Variants in IQCM observed in about 807,000 individuals in gnomAD.
IQCM encodes IQ domain-containing protein M.
Under a neutral mutation model 57.6 loss-of-function variants are expected in IQCM, and 45 were observed. The observed-to-expected ratio is 0.78, with a 90% CI of 0.62 to 1.00. IQCM has a LOEUF of 1.00. Among genes scored for constraint, IQCM ranks in the 50% least tolerant of loss-of-function variants. IQCM has a pLI of 0.00. For synonymous variants in IQCM, 148 were observed against 158.9 expected (o/e 0.93, Z 0.51); for missense variants, 468 against 511.6 (o/e 0.91, Z 0.82).
chr4:149,586,344 T>C (rs1036327433), intron 9 of IQCM, among the ~76,000 whole-genome samples: 18 of 151,646 alleles, frequency 1.2e-4, no homozygotes, highest in African/African-American at 4.3e-4. Context: ...TGGTATGCTA[T>C]CTGTTTTCAA....
chr4:149,412,841 G>A (rs966585619), intron 13 of IQCM, among the ~76,000 whole-genome samples: 10 of 152,132 alleles, frequency 6.6e-5, no homozygotes, highest in South Asian at 2.1e-4. Flanking sequence ...AGGAGAGCAG[G>A]GCTTTTCTGT....
intron 9 of IQCM, among the ~76,000 whole-genome samples, chr4:149,568,474 T>A (rs1750842541): frequency 6.6e-6 from 1 of 152,042 alleles, no homozygotes; most frequent in South Asian, 2.1e-4. Context: ...TTGGCCTAAG[T>A]TGAATATATA....
intron 8 of IQCM, among the ~76,000 whole-genome samples, chr4:149,617,530 T>A (rs1399603099): frequency 6.6e-6 from 1 of 152,132 alleles, no homozygotes; most frequent in African/African-American, 2.4e-5. Context: ...TACCTCTAAC[T>A]GGACAGGCAA....
intron 2 of IQCM, among the ~76,000 whole-genome samples, chr4:149,762,585 A>G (rs775069259): frequency 2.6e-5 from 4 of 152,044 alleles, no homozygotes; most frequent in Non-Finnish European, 5.9e-5. Context: ...AGGCATTGTG[A>G]TCTCCTAGGC....
At chr4:149,658,958 C>A (rs1329009289) in intron 7 of IQCM, among the ~76,000 whole-genome samples, 1 of 151,872 alleles carries the variant, frequency 6.6e-6, no homozygotes, top group African/African-American at 2.4e-5. Flanking sequence ...AATTTGGATG[C>A]ATCTTGTTTC....
intron 13 of IQCM, among the ~76,000 whole-genome samples, chr4:149,367,803 A>G (rs1222023411): frequency 2.0e-5 from 3 of 152,086 alleles, no homozygotes; most frequent in Non-Finnish European, 4.4e-5. Flanking sequence ...GGTCTCAGCC[A>G]GCAAAAGAAG....
intron 12 of IQCM, among the ~76,000 whole-genome samples, chr4:149,464,476 T>TA (rs1255214783): frequency 1.3e-5 from 2 of 152,288 alleles, no homozygotes; most frequent in East Asian, 3.9e-4. Context: ...CCCTGGCCCC[T>TA]AAGGTTTCTT....
At position 149,647,599 on chromosome 4, in the gene IQCM, C is replaced by A. The variant is rs146327998; in HGVS notation, c.566-26355G>T. ...TTGGAAATAATTTTTCTCTATTTTTCTTATCCTTTTTCTTTTACTTCTTTT... is the reference window on the plus strand; with the variant it reads ...TTGGAAATAATTTTTCTCTATTTTTATTATCCTTTTTCTTTTACTTCTTTT... On this transcript the variant is annotated intron_variant, in intron 7 of 13. Transcript: ENST00000636793. 1.8e-4 allele frequency among the ~76,000 whole-genome samples: 28 copies of A among 152,048 alleles called. 1 individual carries two copies. The highest frequency in any genetic ancestry group is 1.8e-3 in the Admixed American group (28 of 15,278).
chr4:149,714,504 C>T (rs1764830058), intron 5 of IQCM, among the ~76,000 whole-genome samples: 1 of 152,128 alleles, frequency 6.6e-6, no homozygotes, highest in Non-Finnish European at 1.5e-5. Flanking sequence ...ATCTAACAAA[C>T]ATTTCAGACT....
At chr4:149,497,718 A>T (rs1742809815) in intron 12 of IQCM, among the ~76,000 whole-genome samples, 1 of 151,114 alleles carries the variant, frequency 6.6e-6, no homozygotes, top group Admixed American at 6.7e-5. Flanking sequence ...ATCAAGGGAA[A>T]AAAGTAATGT....
intron 2 of IQCM, among the ~76,000 whole-genome samples, chr4:149,811,515 C>A (rs1307014302): frequency 2.6e-5 from 4 of 152,088 alleles, no homozygotes; most frequent in Non-Finnish European, 2.9e-5. Flanking sequence ...AACGTAAAAG[C>A]TTTTATGATA....
chr4:149,750,914 C>A (rs1034681505), intron 2 of IQCM, among the ~76,000 whole-genome samples: 1 of 152,136 alleles, frequency 6.6e-6, no homozygotes, highest in Non-Finnish European at 1.5e-5. Flanking sequence ...TGTTAAAGAG[C>A]AAAATCTAGA....
At chr4:149,612,498 T>C in intron 8 of IQCM, among the ~76,000 whole-genome samples, 1 of 152,104 alleles carries the variant, frequency 6.6e-6, no homozygotes, top group East Asian at 1.9e-4. Flanking sequence ...TATAAATACA[T>C]ATGTATGTTC....
intron 7 of IQCM, among the ~76,000 whole-genome samples, chr4:149,636,174 C>CA (rs1360758778): frequency 6.6e-6 from 1 of 152,136 alleles, no homozygotes; most frequent in Non-Finnish European, 1.5e-5. Context: ...ATCTGCAATG[C>CA]AAAGTTGACA....
At chr4:149,619,063 C>T (rs1452599557) in intron 8 of IQCM, among the ~76,000 whole-genome samples, 3 of 145,336 alleles carry the variant, frequency 2.1e-5, no homozygotes, top group Non-Finnish European at 4.5e-5. Context: ...TCAGAATAAA[C>T]GTAAATGTCC....
At chr4:149,682,488 ATATC>A (rs534466678) in intron 6 of IQCM, among the ~76,000 whole-genome samples, 22 of 151,138 alleles carry the variant, frequency 1.5e-4, no homozygotes, top group Non-Finnish European at 2.5e-4. Context: ...AACAAGCATC[ATATC>A]TATCTATTTC....
rs569993883 is a variant in IQCM at position 149,391,028 on chromosome 4, T to C, written c.1391-38962A>G. ...AAGCAATGTGATACTGGCATGAGGA[T>C]AGACAGAGATAAATTGAGTAAAAAT... is the stretch of plus-strand genomic sequence containing the variant. On this transcript the variant is annotated intron_variant, in intron 13 of 13. Coordinates refer to ENST00000636793, the MANE Select transcript of IQCM (RefSeq NM_001363507.2). Among the ~76,000 whole-genome samples, 3 of 152,056 alleles carry C rather than the reference T, an allele frequency of 2.0e-5. No homozygotes were observed. The South Asian group carries it at 6.2e-4, about 31-fold the overall frequency.
chr4:149,721,076 A>G (rs1389111180), intron 5 of IQCM, among the ~76,000 whole-genome samples: 2 of 152,152 alleles, frequency 1.3e-5, no homozygotes, highest in Non-Finnish European at 2.9e-5. Flanking sequence ...GTTTCTGTAG[A>G]TTCAGCATCT....
At chr4:149,440,277 T>C (rs1735807970) in intron 12 of IQCM, among the ~76,000 whole-genome samples, 1 of 151,902 alleles carries the variant, frequency 6.6e-6, no homozygotes, top group South Asian at 2.1e-4. Flanking sequence ...AGTGTAGCTA[T>C]TCTTAATTGT....
Sources: allele counts gnomAD v4.1 joint callset (sites outside exome capture counted in the v4.1 genomes callset), GRCh38; gene constraint gnomAD v4.1.1; transcripts MANE v1.5; gene names NCBI Gene and HGNC (gene_info 2026-07-23, HGNC 2026-07-21).